Variants in NIPBL observed in about 807,000 individuals in gnomAD.
NIPBL encodes NIPBL cohesin loading factor, also known as nipped-B-like protein.
NIPBL carries 19 observed loss-of-function variants against 321.8 expected under a neutral mutation model. That is an observed-to-expected ratio of 0.06 (90% confidence interval 0.04 to 0.09). NIPBL has a LOEUF of 0.09. Among genes scored for constraint, NIPBL ranks in the 10% least tolerant of loss-of-function variants. The probability of loss-of-function intolerance (pLI) is 1.00; values close to 1 mark genes in which losing one functional copy is unlikely to be tolerated. For synonymous variants in NIPBL, 1,106 were observed against 1,114.1 expected, an observed-to-expected ratio of 0.99 and a Z score of 0.14; for missense variants, 2,210 against 3,327.0, an observed-to-expected ratio of 0.66 and a Z score of 8.26.
chr5:36,920,553 T>A (rs1748852613), intron 1 of NIPBL, among the ~76,000 whole-genome samples: 1 of 152,190 alleles, frequency 6.6e-6, no homozygotes, highest in African/African-American at 2.4e-5. Flanking sequence ...CAAGAAACAG[T>A]GTTCTGAAAT....
At chr5:36,919,075 G>A (rs542852059) in intron 1 of NIPBL, among the ~76,000 whole-genome samples, 193 of 152,048 alleles carry the variant, frequency 1.3e-3, no homozygotes, top group African/African-American at 4.2e-3. Flanking sequence ...TTTTTCTCTT[G>A]ATTGGAATAG....
At chr5:36,963,638 C>CAAA (rs796658799) in intron 6 of NIPBL, among the ~76,000 whole-genome samples, 1 of 117,338 alleles carries the variant, frequency 8.5e-6, no homozygotes, top group Non-Finnish European at 1.8e-5. Context: ...CCTGTCTCTA[C>CAAA]AAAAAAAAAA....
At position 37,041,253 on chromosome 5, in the gene NIPBL, T is replaced by G. The variant is rs13177499; in HGVS notation, c.6108+2515T>G. 5.3e-4 allele frequency among the ~76,000 whole-genome samples: 41 copies of G among 77,152 alleles called. 1 individual carries two copies. The highest frequency in any genetic ancestry group is 2.9e-3 in the Admixed American group (20 of 6,936). The allele number at this position is 77,152 out of a possible 152,430, so 50.6% of individuals were successfully genotyped here. A position where few individuals can be genotyped will look rare whatever the true frequency, so the allele number is the denominator to read the frequency against. On this transcript the variant is annotated intron_variant, in intron 34 of 46. Transcript: ENST00000282516. ...CTACTTTTTTGTTGTTATGTGGTGG[T>G]TTTTTTTTTTTTTTTTTTTTTTTTT...
chr5:36,995,216 C>T (rs1746003483), intron 10 of NIPBL: 1 of 173,506 alleles, frequency 5.8e-6, no homozygotes, highest in African/African-American at 2.4e-5. Context: ...TAGATTCAAA[C>T]TACTTCAGAC....
intron 6 of NIPBL, among the ~76,000 whole-genome samples, chr5:36,964,100 G>C (rs1418366680): frequency 6.6e-6 from 1 of 152,042 alleles, no homozygotes; most frequent in African/African-American, 2.4e-5. Context: ...GAAATGCTCA[G>C]ATAAAGAACT....
chr5:37,064,353 T>C (rs931720683), intron 46 of NIPBL, 174 bp from the exon 47 acceptor site: 4 of 985,224 alleles, frequency 4.1e-6, no homozygotes, highest in Admixed American at 1.2e-4. Context: ...GTTTTACAAG[T>C]ATATGTTAAC....
chr5:36,989,754 G>A (rs1256099138), intron 10 of NIPBL, among the ~76,000 whole-genome samples: 5 of 148,976 alleles, frequency 3.4e-5, no homozygotes, highest in African/African-American at 7.5e-5. Flanking sequence ...CAGGAGAATC[G>A]CTTGAACCCA....
chr5:36,922,676 G>T (rs1324734502), intron 1 of NIPBL, among the ~76,000 whole-genome samples: 1 of 152,180 alleles, frequency 6.6e-6, no homozygotes. Flanking sequence ...ATGAAGTTGT[G>T]CAGTGATGAA....
chr5:37,017,283 T>A, intron 24 of NIPBL, 121 bp downstream of exon 24: 1 of 1,033,854 alleles, frequency 9.7e-7, no homozygotes, highest in Non-Finnish European at 1.4e-6. Context: ...CTTCTAAAAG[T>A]GGGCTTTTCA....
chr5:36,948,191 A>G (rs1290974595), intron 1 of NIPBL, among the ~76,000 whole-genome samples: 1 of 151,916 alleles, frequency 6.6e-6, no homozygotes, highest in Non-Finnish European at 1.5e-5. Context: ...CTTGTTAACC[A>G]TTGTACTTTG....
At chr5:36,962,870 T>A (rs923109328) in intron 6 of NIPBL, among the ~76,000 whole-genome samples, 7 of 152,188 alleles carry the variant, frequency 4.6e-5, no homozygotes, top group African/African-American at 1.2e-4. Context: ...ATGCAAGTAC[T>A]ATGCATTTTA....
chr5:36,940,183 T>C (rs899090889), intron 1 of NIPBL, among the ~76,000 whole-genome samples: 1 of 152,216 alleles, frequency 6.6e-6, no homozygotes, highest in East Asian at 1.9e-4. Flanking sequence ...AACACAGTTA[T>C]TGTAATTTCA....
intron 1 of NIPBL, among the ~76,000 whole-genome samples, chr5:36,908,701 C>T (rs1747827494): frequency 6.6e-6 from 1 of 151,952 alleles, no homozygotes; most frequent in South Asian, 2.1e-4. Flanking sequence ...AAATTGCATC[C>T]AAAATAGCAC....
At chr5:37,033,685 T>TACACACACACACAC (rs372949399) in intron 32 of NIPBL, among the ~76,000 whole-genome samples, 29 of 64,968 alleles carry the variant, frequency 4.5e-4, no homozygotes, top group Non-Finnish European at 6.0e-4. Context: ...TATATGTACA[T>TACACACACACACAC]ACACACACAC....
At chr5:36,903,425 A>G (rs1282309993) in intron 1 of NIPBL, among the ~76,000 whole-genome samples, 4 of 152,010 alleles carry the variant, frequency 2.6e-5, no homozygotes, top group African/African-American at 9.7e-5. Flanking sequence ...GGCTCTTACT[A>G]TTTTGCCCCT....
Position 36,985,777 on chromosome 5 carries a change from T to G in NIPBL, c.2597T>G (p.Leu866Arg). Reference protein sequence around the residue: ...IKSDSSKTDKLERKHRHESGD... With the variant: ...IKSDSSKTDKRERKHRHESGD... ...TCTGATAGTTCAAAAACTGATAAAC[T>G]AGAACGAAAACACAGGCATGAATCA... The change falls in exon 10 of 47, where the codon CTA becomes CGA. Residue 866 changes from leucine (L) to arginine (R), a missense_variant. By Grantham distance (102) the Leu-to-Arg change is moderately radical. Around this residue, in one of 14 missense-constraint regions of NIPBL, gnomAD observed 588 missense variants for 564.1 expected, o/e 1.04. Coordinates refer to ENST00000282516, the MANE Select transcript of NIPBL (RefSeq NM_133433.4). 3.7e-6 allele frequency: 6 copies of G among 1,613,370 alleles called. No individual in the cohort carries two copies. Among genetic ancestry groups the G allele is most frequent in the Non-Finnish European group, 5.1e-6 (6 of 1,179,778 alleles).
intron 1 of NIPBL, chr5:36,886,157 A>T: frequency 1.6e-6 from 1 of 643,518 alleles, no homozygotes; most frequent in Admixed American, 2.1e-5. Context: ...TCTGAAGGCC[A>T]GCTTCTGGAG....
At chr5:36,891,039 G>A (rs1365617565) in intron 1 of NIPBL, among the ~76,000 whole-genome samples, 1 of 152,150 alleles carries the variant, frequency 6.6e-6, no homozygotes, top group Non-Finnish European at 1.5e-5. Context: ...GCCGAGGCGG[G>A]CGGATCACGA....
chr5:36,990,771 A>G (rs1463759270), intron 10 of NIPBL, among the ~76,000 whole-genome samples: 1 of 152,210 alleles, frequency 6.6e-6, no homozygotes, highest in African/African-American at 2.4e-5. Context: ...TGCATTAAGT[A>G]GAAACCTTTT....
Sources: allele counts gnomAD v4.1 joint callset (sites outside exome capture counted in the v4.1 genomes callset), GRCh38; gene constraint gnomAD v4.1.1; regional missense constraint gnomAD v4.1.1; transcripts MANE v1.5; gene names NCBI Gene and HGNC (gene_info 2026-07-23, HGNC 2026-07-21).